DSCAML1: variants seen among roughly 807,000 people sequenced by gnomAD.
DSCAML1 encodes DS cell adhesion molecule like 1.
Under a neutral mutation model 200.5 loss-of-function variants are expected in DSCAML1, and 38 were observed. The ratio of observed to expected loss-of-function variants is 0.19; its 90% CI spans 0.15 to 0.25. DSCAML1 has a LOEUF of 0.25. Among genes scored for constraint, DSCAML1 ranks in the 10% least tolerant of loss-of-function variants. The probability of loss-of-function intolerance (pLI) is 1.00; values close to 1 mark genes in which losing one functional copy is unlikely to be tolerated. For synonymous variants in DSCAML1, 1,215 were observed against 1,165.0 expected (o/e 1.04, Z -0.87); for missense variants, 2,223 against 2,858.8 (o/e 0.78, Z 5.07).
At position 117,428,322 on chromosome 11, in the gene DSCAML1, CG is replaced by C. The variant is rs202143844; in HGVS notation, c.*5del. The stretch of plus-strand genomic sequence containing the variant: ...GGTCCAGGCGTGGCTGCTCTTCCTG[CG>C]GGCCCTACACCAGGGTGTAGGATTT... On this transcript the variant is annotated 3_prime_UTR_variant, in exon 33 of 33. Transcript: ENST00000651296. 1.4e-3 allele frequency: 2,051 copies of C among 1,482,852 alleles called. 13 individuals carry two copies. The highest frequency in any genetic ancestry group is 0.014 in the African/African-American group (979 of 71,398). 91.9% of individuals were successfully genotyped at this position (1,482,852 alleles called of 1,614,324 possible).
intron 3 of DSCAML1, among the ~76,000 whole-genome samples, chr11:117,729,919 G>A (rs1050544842): frequency 5.9e-5 from 9 of 152,256 alleles, no homozygotes; most frequent in Admixed American, 2.0e-4. Flanking sequence ...AAGGGAGTCA[G>A]GCCGGGCGCA....
intron 3 of DSCAML1, among the ~76,000 whole-genome samples, chr11:117,537,327 A>C (rs1291286685): frequency 6.6e-6 from 1 of 152,212 alleles, no homozygotes; most frequent in Non-Finnish European, 1.5e-5. Context: ...CTGGGATCCC[A>C]CAGTTAGGAG....
intron 3 of DSCAML1, among the ~76,000 whole-genome samples, chr11:117,743,686 T>C (rs2137847069): frequency 6.6e-6 from 1 of 152,334 alleles, no homozygotes; most frequent in East Asian, 1.9e-4. Flanking sequence ...CTGCCACCCC[T>C]GCTTCAAACG....
chr11:117,600,909 C>T (rs1292590553), intron 3 of DSCAML1, among the ~76,000 whole-genome samples: 1 of 152,152 alleles, frequency 6.6e-6, no homozygotes, highest in Non-Finnish European at 1.5e-5. Flanking sequence ...AGGGATCCCA[C>T]AGACCCAACT....
At chr11:117,700,514 C>T (rs2053648832) in intron 3 of DSCAML1, among the ~76,000 whole-genome samples, 1 of 152,204 alleles carries the variant, frequency 6.6e-6, no homozygotes, top group Non-Finnish European at 1.5e-5. Flanking sequence ...GCAGGAGCTC[C>T]CAGCCAGCCA....
At chr11:117,450,168 G>A (rs2048258154) in intron 20 of DSCAML1, among the ~76,000 whole-genome samples, 1 of 152,224 alleles carries the variant, frequency 6.6e-6, no homozygotes, top group African/African-American at 2.4e-5. Context: ...TCCAAGCCCA[G>A]ACCAACCATG....
intron 1 of DSCAML1, among the ~76,000 whole-genome samples, chr11:117,815,656 C>A (rs1262240517): frequency 6.6e-6 from 1 of 152,024 alleles, no homozygotes; most frequent in Admixed American, 6.5e-5. Context: ...TGAGGAACTT[C>A]GGGGTGTCAC....
chr11:117,546,936 A>G (rs1239899406), intron 3 of DSCAML1, among the ~76,000 whole-genome samples: 2 of 152,156 alleles, frequency 1.3e-5, no homozygotes, highest in Non-Finnish European at 2.9e-5. Flanking sequence ...GGCCCTCCTC[A>G]GCCCCATTGT....
In DSCAML1 at chr11:117,458,904, C is replaced by T. The variant is rs745353338; in HGVS notation, c.3418G>A (p.Gly1140Ser). 6.2e-7 allele frequency: 1 copy of T among 1,613,276 alleles called. No individual in the cohort carries two copies. The highest frequency in any genetic ancestry group is 1.1e-5 in the South Asian group (1 of 91,040). Residue 1140 changes from glycine to serine, a missense_variant, in exon 19 of 33, where the codon GGC (glycine) becomes AGC (serine). Coordinates refer to ENST00000651296, the MANE Select transcript of DSCAML1 (RefSeq NM_020693.4). ...FWSLYVDGEW[G>S]EMQNITTTRE... ...GTGGTGGTGATGTTCTGCATCTCGC[C>T]CCACTCTGCCAGAGACCAGCAAACT...
At chr11:117,512,788 CA>C (rs2049663736) in intron 8 of DSCAML1, among the ~76,000 whole-genome samples, 5 of 150,496 alleles carry the variant, frequency 3.3e-5, no homozygotes, top group Admixed American at 1.3e-4. Context: ...CACACACACA[CA>C]CACACACACA....
chr11:117,465,177 G>A lies in DSCAML1; in HGVS notation c.3030C>T (p.Pro1010=), dbSNP rs766605751. Residue 1010 remains proline (P), a synonymous_variant, in exon 17 of 33, where the codon CCC becomes CCT. Coordinates refer to ENST00000651296, the MANE Select transcript of DSCAML1 (RefSeq NM_020693.4). ...SQSIQVTWKA[P]KKELQNGVIR... ...TGACACCGTTCTGCAGCTCCTTCTT[G>A]GGTGCCTGTGAGCATGGGGTGGGGG... 5 of 1,613,578 alleles carry A rather than the reference G, an allele frequency of 3.1e-6. No individual in the cohort carries two copies. In the East Asian group the frequency reaches 8.9e-5, roughly 29 times the overall value.
chr11:117,664,980 C>A (rs548298372), intron 3 of DSCAML1, among the ~76,000 whole-genome samples: 19 of 152,306 alleles, frequency 1.2e-4, no homozygotes, highest in Non-Finnish European at 1.5e-5. Context: ...GACCCAGCAC[C>A]CTTTCTGCCT....
chr11:117,753,855 C>T (rs1442944143), intron 3 of DSCAML1, among the ~76,000 whole-genome samples: 1 of 152,194 alleles, frequency 6.6e-6, no homozygotes, highest in East Asian at 1.9e-4. Flanking sequence ...CATGCTGTTA[C>T]TCTATGTGAC....
chr11:117,628,531 G>A (rs1299203306), intron 3 of DSCAML1, among the ~76,000 whole-genome samples: 7 of 152,150 alleles, frequency 4.6e-5, no homozygotes, highest in Non-Finnish European at 7.4e-5. Context: ...CCGATATTCT[G>A]GCCCCTTGTA....
intron 3 of DSCAML1, among the ~76,000 whole-genome samples, chr11:117,587,455 A>G (rs898976465): frequency 6.6e-6 from 1 of 151,968 alleles, no homozygotes; most frequent in East Asian, 1.9e-4. Flanking sequence ...GTCTGGGGAC[A>G]CCAGTGTTCT....
At chr11:117,723,377 C>T (rs1481362142) in intron 3 of DSCAML1, among the ~76,000 whole-genome samples, 3 of 152,224 alleles carry the variant, frequency 2.0e-5, no homozygotes, top group African/African-American at 7.2e-5. Context: ...GTTCCAAATA[C>T]TCCTTATTGG....
Position 117,639,993 on chromosome 11 carries a change from T to C in DSCAML1, c.512-107471A>G, listed in dbSNP as rs143876629. On this transcript the variant is annotated intron_variant, in intron 3 of 32. Coordinates refer to ENST00000651296, the MANE Select transcript of DSCAML1 (RefSeq NM_020693.4). ...CATGGAGGAGAAGTGAGCAGACTTG[T>C]GTGGGTGCTGTGACTTGGGTGGGTG... Among the ~76,000 whole-genome samples the C allele has an allele frequency of 7.2e-5, 11 of 152,302 alleles. No homozygotes were observed. The East Asian group carries it at 2.1e-3, about 29-fold the overall frequency.
chr11:117,811,692 G>A (rs901861712), intron 1 of DSCAML1, among the ~76,000 whole-genome samples: 4 of 152,104 alleles, frequency 2.6e-5, no homozygotes, highest in Admixed American at 2.0e-4. Context: ...AGAGCCCCTG[G>A]AACTCTGGCC....
chr11:117,601,705 G>A (rs2051469336), intron 3 of DSCAML1, among the ~76,000 whole-genome samples: 1 of 152,258 alleles, frequency 6.6e-6, no homozygotes, highest in South Asian at 2.1e-4. Context: ...TATAAAGGAA[G>A]TGAACGAGAG....
Sources: allele counts gnomAD v4.1 joint callset (sites outside exome capture counted in the v4.1 genomes callset), GRCh38; gene constraint gnomAD v4.1.1; transcripts MANE v1.5; gene names NCBI Gene and HGNC (gene_info 2026-07-23, HGNC 2026-07-21).